The following ADAMTSL3 variants were observed in gnomAD, a reference collection of about 807,000 sequenced individuals.
ADAMTSL3 encodes ADAMTS-like protein 3.
Under a neutral mutation model 201.7 loss-of-function variants are expected in ADAMTSL3, and 128 were observed. The observed-to-expected ratio is 0.63, with a 90% CI of 0.55 to 0.73. The LOEUF is 0.73. ADAMTSL3 is among the 30% of genes least tolerant of loss of function. ADAMTSL3 has a pLI of 0.00. For missense variants in ADAMTSL3, 1,990 were observed against 2,119.6 expected (o/e 0.94, Z 1.20); for synonymous variants, 738 against 748.4 (o/e 0.99, Z 0.23).
intron 23 of ADAMTSL3, among the ~76,000 whole-genome samples, chr15:83,991,628 C>T (rs572667311): frequency 2.0e-5 from 3 of 152,370 alleles, no homozygotes; most frequent in African/African-American, 4.8e-5. Context: ...AAAAGCTACA[C>T]TTGGCAAAGC....
At chr15:83,672,389 C>A (rs943297580) in intron 2 of ADAMTSL3, among the ~76,000 whole-genome samples, 1 of 152,182 alleles carries the variant, frequency 6.6e-6, no homozygotes, top group Admixed American at 6.5e-5. Flanking sequence ...GGAGAAAGCA[C>A]TATTGACATC....
chr15:83,691,431 G>A (rs908861295), intron 2 of ADAMTSL3, among the ~76,000 whole-genome samples: 87 of 152,306 alleles, frequency 5.7e-4, no homozygotes, highest in African/African-American at 2.0e-3. Flanking sequence ...GCAGAGGTGG[G>A]TTGGGCGCTT....
intron 4 of ADAMTSL3, among the ~76,000 whole-genome samples, chr15:83,775,328 T>G (rs2063054156): frequency 6.6e-6 from 1 of 151,980 alleles, no homozygotes; most frequent in African/African-American, 2.4e-5. Flanking sequence ...AGGTGTGGGA[T>G]TTATTTGCAT....
chr15:83,766,246 T>G lies in ADAMTSL3; in HGVS notation c.190-7277T>G, dbSNP rs369488120. On this transcript the variant is annotated intron_variant, in intron 3 of 29. Coordinates refer to ENST00000286744, the MANE Select transcript of ADAMTSL3 (RefSeq NM_207517.3). ...CACCACAGCCCTTGTCCCTCTCACCTGATGCTCATTGATTTGTGAGCTACT... is the reference window on the plus strand; with the variant it reads ...CACCACAGCCCTTGTCCCTCTCACCGGATGCTCATTGATTTGTGAGCTACT... 7.9e-5 allele frequency among the ~76,000 whole-genome samples: 12 copies of G among 152,318 alleles called. No homozygotes were observed. The East Asian group carries it at 2.3e-3, about 29-fold the overall frequency.
chr15:84,033,371 A>G (rs1490316407), intron 28 of ADAMTSL3, among the ~76,000 whole-genome samples: 1 of 152,166 alleles, frequency 6.6e-6, no homozygotes, highest in Non-Finnish European at 1.5e-5. Flanking sequence ...ATAAAATACC[A>G]CATGCTTGGC....
intron 7 of ADAMTSL3, 62 bp downstream of exon 7, chr15:83,838,277 C>G (rs2064315155): frequency 6.5e-7 from 1 of 1,535,402 alleles, no homozygotes; most frequent in Non-Finnish European, 8.8e-7. Context: ...CTGTCTATTG[C>G]TAGAATAACA....
intron 19 of ADAMTSL3, among the ~76,000 whole-genome samples, chr15:83,950,224 G>A (rs1398126564): frequency 6.6e-6 from 1 of 152,014 alleles, no homozygotes; most frequent in African/African-American, 2.4e-5. Context: ...TTCTGCATAT[G>A]GATATCCAGT....
At chr15:83,897,799 A>G in intron 13 of ADAMTSL3, 59 bp from the exon 14 acceptor site, 1 of 1,513,068 alleles carries the variant, frequency 6.6e-7, no homozygotes, top group South Asian at 1.4e-5. Flanking sequence ...ATTCGATAAA[A>G]TAATGCCTTT....
At chr15:83,822,181 C>G (rs1461851303) in intron 6 of ADAMTSL3, among the ~76,000 whole-genome samples, 2 of 150,136 alleles carry the variant, frequency 1.3e-5, no homozygotes, top group Non-Finnish European at 3.0e-5. Context: ...GGGGCTGACC[C>G]CCACCTCCCT....
intron 23 of ADAMTSL3, among the ~76,000 whole-genome samples, chr15:83,992,944 G>C (rs943489657): frequency 6.6e-6 from 1 of 152,120 alleles, no homozygotes; most frequent in African/African-American, 2.4e-5. Flanking sequence ...TCACCTTTCA[G>C]CTCTTACTAG....
At chr15:83,804,991 C>G (rs947207814) in intron 5 of ADAMTSL3, among the ~76,000 whole-genome samples, 42 of 152,136 alleles carry the variant, frequency 2.8e-4, no homozygotes, top group Non-Finnish European at 5.6e-4. Context: ...TGTTCATTAT[C>G]TTACCTGACC....
chr15:83,835,035 C>T (rs955963079), intron 6 of ADAMTSL3, among the ~76,000 whole-genome samples: 5 of 151,948 alleles, frequency 3.3e-5, no homozygotes, highest in Non-Finnish European at 5.9e-5. Flanking sequence ...GAGATCGAGA[C>T]CATCCTGGCT....
intron 27 of ADAMTSL3, among the ~76,000 whole-genome samples, chr15:84,029,932 C>A (rs576528613): frequency 6.6e-6 from 1 of 152,372 alleles, no homozygotes; most frequent in East Asian, 1.9e-4. Context: ...AAGCCCCAAC[C>A]CTTGGCAGCT....
intron 2 of ADAMTSL3, among the ~76,000 whole-genome samples, chr15:83,674,951 C>A (rs1021140346): frequency 1.7e-4 from 26 of 151,348 alleles, no homozygotes; most frequent in Admixed American, 4.6e-4. Context: ...TTGTAAAATT[C>A]TGAACAATCC....
intron 2 of ADAMTSL3, among the ~76,000 whole-genome samples, chr15:83,668,640 C>G (rs543362545): frequency 2.6e-5 from 4 of 152,176 alleles, no homozygotes; most frequent in African/African-American, 4.8e-5. Context: ...ACTCATATTT[C>G]TACCTGAGCT....
At chr15:83,869,211 TATC>T in intron 8 of ADAMTSL3, among the ~76,000 whole-genome samples, 1 of 152,210 alleles carries the variant, frequency 6.6e-6, no homozygotes, top group Non-Finnish European at 1.5e-5. Context: ...TCTTATTGCT[TATC>T]ATTTTTTTTT....
intron 27 of ADAMTSL3, among the ~76,000 whole-genome samples, chr15:84,026,667 A>G (rs898957484): frequency 1.3e-5 from 2 of 152,218 alleles, no homozygotes; most frequent in Non-Finnish European, 1.5e-5. Context: ...TTGTTTTTGT[A>G]TAAGGTTGAG....
At chr15:83,953,282 T>C (rs1474915258) in intron 19 of ADAMTSL3, among the ~76,000 whole-genome samples, 2 of 152,200 alleles carry the variant, frequency 1.3e-5, no homozygotes, top group African/African-American at 2.4e-5. Context: ...TTCTTGCTTT[T>C]TATTTTTTCT....
intron 19 of ADAMTSL3, among the ~76,000 whole-genome samples, chr15:83,968,274 A>G (rs2067126464): frequency 6.6e-6 from 1 of 152,228 alleles, no homozygotes; most frequent in African/African-American, 2.4e-5. Flanking sequence ...AAATTTTGCA[A>G]TCTATCCATC....
Sources: allele counts gnomAD v4.1 joint callset (sites outside exome capture counted in the v4.1 genomes callset), GRCh38; gene constraint gnomAD v4.1.1; transcripts MANE v1.5; gene names NCBI Gene and HGNC (gene_info 2026-07-23, HGNC 2026-07-21).